TFB2M: variants seen among roughly 807,000 people sequenced by gnomAD.
TFB2M encodes the protein dimethyladenosine transferase 2, mitochondrial.
A neutral mutation model predicts 41.3 loss-of-function variants in TFB2M; 44 were observed. The ratio of observed to expected loss-of-function variants is 1.07; its 90% CI spans 0.84 to 1.37. TFB2M has a LOEUF of 1.37. Ranked by LOEUF, TFB2M falls within the 40% of genes most tolerant of loss-of-function variation. The pLI, the probability that TFB2M is intolerant of heterozygous loss-of-function variation, is 0.00. For synonymous variants in TFB2M, 188 were observed against 176.8 expected, an observed-to-expected ratio of 1.06 and a Z score of -0.50; for missense variants, 496 against 490.2, an observed-to-expected ratio of 1.01 and a Z score of -0.11.
chr1:246,553,466 T>G (rs1198395778), intron 4 of TFB2M, among the ~76,000 whole-genome samples: 1 of 152,124 alleles, frequency 6.6e-6, no homozygotes, highest in Non-Finnish European at 1.5e-5. Flanking sequence ...ACCCAGAAGT[T>G]CAAGACCAGC....
In TFB2M at chr1:246,557,513, C is replaced by T. The variant is rs1659355241; in HGVS notation, c.424G>A (p.Gly142Arg). 5.0e-6 allele frequency: 8 copies of T among 1,606,334 alleles called. No individual in the cohort carries two copies. The South Asian group carries it at 6.8e-5, about 14-fold the overall frequency. The change falls in exon 3 of 8, where the codon GGA becomes AGA. Residue 142 changes from glycine (G) to arginine (R), a missense_variant. Physicochemically the swap from Gly to Arg is moderately radical, Grantham distance 125. Transcript: ENST00000366514. ...HLESLGKNLD[G>R]KLRVIHCDFF... ...TCACAGTGAATCACTCGTAGTTTTC[C>T]ATCCAGATTTTTTCCTAAGGACTAA...
chr1:246,550,468 A>T (rs1659144032), intron 5 of TFB2M, among the ~76,000 whole-genome samples: 1 of 148,416 alleles, frequency 6.7e-6, no homozygotes, highest in Non-Finnish European at 1.5e-5. Flanking sequence ...CTAAAATCAA[A>T]TGAGATAACA....
Position 246,549,790 on chromosome 1 carries a change from C to T in TFB2M, c.796-1183G>A, listed in dbSNP as rs887728734. ...GCAGGGGCAATGAGAGTGGCTAAAA[C>T]ATATAATTGTGGCCAAATTGTGAAA... On this transcript the variant is annotated intron_variant, in intron 5 of 7. Transcript: ENST00000366514. 7.2e-5 allele frequency among the ~76,000 whole-genome samples: 11 copies of T among 152,126 alleles called. No individual in the cohort carries two copies. The East Asian group carries it at 1.7e-3, about 24-fold the overall frequency.
chr1:246,548,459 T>C (rs1174212263), intron 6 of TFB2M, 86 bp downstream of exon 6: 14 of 1,135,948 alleles, frequency 1.2e-5, no homozygotes, highest in African/African-American at 3.2e-5. Flanking sequence ...AAAAGTTAAA[T>C]ACAGACTACC....
At position 246,565,938 on chromosome 1, in the gene TFB2M, G is replaced by A. The variant is rs1379087216; in HGVS notation, c.201C>T (p.Ala67=). 1.2e-5 allele frequency: 20 copies of A among 1,614,098 alleles called. No individual in the cohort carries two copies. Among genetic ancestry groups the A allele is most frequent in the Admixed American group, 6.7e-5 (4 of 60,006 alleles). Residue 67 remains alanine, a synonymous_variant, in exon 1 of 8, where the codon GCC becomes GCT. Coordinates refer to ENST00000366514, the MANE Select transcript of TFB2M (RefSeq NM_022366.3). ...TTACGTAACGCTTAAAGTCTAAGCT[G>A]GCCTTAGACGCCTTCCTTGGCGGAT... ...FRNPPRKASK[A]SLDFKRYVTD...
rs546616648 is a variant in TFB2M at position 246,563,548 on chromosome 1, G to A, written c.402+798C>T. Among the ~76,000 whole-genome samples, 4 of 151,800 alleles carry A rather than the reference G, an allele frequency of 2.6e-5. No homozygotes were observed. The South Asian group carries it at 8.3e-4, about 31-fold the overall frequency. On this transcript the variant is annotated intron_variant, in intron 2 of 7. Coordinates refer to ENST00000366514, the MANE Select transcript of TFB2M (RefSeq NM_022366.3). The stretch of plus-strand genomic sequence containing the variant: ...AAACTTGGGAGGCAGTGGTTACAGT[G>A]AGCCGAGATCGCACCATTGCACTCC...
At chr1:246,555,998 C>T (rs549956449) in intron 4 of TFB2M, among the ~76,000 whole-genome samples, 1 of 152,200 alleles carries the variant, frequency 6.6e-6, no homozygotes, top group African/African-American at 2.4e-5. Context: ...GCCATGTTAG[C>T]CAAACTGGTC....
intron 7 of TFB2M, among the ~76,000 whole-genome samples, chr1:246,542,985 A>T (rs1352757077): frequency 3.4e-4 from 29 of 84,930 alleles, no homozygotes; most frequent in African/African-American, 7.8e-4. Context: ...CTGCCTCCCA[A>T]TTTTTTTTTT....
At chr1:246,546,983 A>ACACTTTTTTTTTT (rs764498048) in intron 6 of TFB2M, among the ~76,000 whole-genome samples, 1 of 127,180 alleles carries the variant, frequency 7.9e-6, no homozygotes, top group Non-Finnish European at 1.7e-5. Flanking sequence ...ACACACACAC[A>ACACTTTTTTTTTT]TTTTTTTTTT....
chr1:246,552,728 TA>T (rs922077328), intron 4 of TFB2M, among the ~76,000 whole-genome samples: 16 of 151,612 alleles, frequency 1.1e-4, no homozygotes, highest in African/African-American at 2.9e-4. Flanking sequence ...GTTTTAAAGT[TA>T]AAAAAAATAA....
At chr1:246,548,409 A>G (rs1204380244) in intron 6 of TFB2M, 136 bp downstream of exon 6, 13 of 653,016 alleles carry the variant, frequency 2.0e-5, no homozygotes, top group Non-Finnish European at 3.2e-5. Context: ...TAAAAGTAGT[A>G]AGATATGTTT....
intron 2 of TFB2M, among the ~76,000 whole-genome samples, chr1:246,559,786 T>C (rs1175061621): frequency 6.6e-6 from 1 of 152,120 alleles, no homozygotes; most frequent in Non-Finnish European, 1.5e-5. Flanking sequence ...GAATTTGGCT[T>C]GTTGAAGGTA....
Position 246,565,952 on chromosome 1 carries a change from T to G in TFB2M, c.187A>C (p.Lys63Gln), listed in dbSNP as rs747062180. ...AAGTCTAAGCTGGCCTTAGACGCCT[T>G]CCTTGGCGGATTCCTGAAATCCGGT... ...PEPDFRNPPR[K>Q]ASKASLDFKR... is the part of the protein sequence containing the mutation. The change falls in exon 1 of 8, where the codon AAG (lysine) becomes CAG (glutamine). Residue 63 changes from lysine (K) to glutamine (Q), a missense_variant. Lys to Gln is a moderately conservative substitution (Grantham distance 53). Coordinates refer to ENST00000366514, the MANE Select transcript of TFB2M (RefSeq NM_022366.3). 3 of 1,614,158 alleles carry G rather than the reference T, an allele frequency of 1.9e-6. No individual in the cohort carries two copies. Among genetic ancestry groups the G allele is most frequent in the South Asian group, 2.2e-5 (2 of 91,082 alleles).
chr1:246,554,391 G>GT (rs1467723760), intron 4 of TFB2M, among the ~76,000 whole-genome samples: 1 of 152,146 alleles, frequency 6.6e-6, no homozygotes, highest in African/African-American at 2.4e-5. Flanking sequence ...GGCGTCATCC[G>GT]TATTTATAGC....
intron 4 of TFB2M, among the ~76,000 whole-genome samples, chr1:246,552,577 G>C (rs116269144): frequency 0.016 from 2,493 of 152,004 alleles, 72 homozygotes; most frequent in African/African-American, 0.057. Flanking sequence ...GTGTGCACAG[G>C]TGGTCCCAGC....
chr1:246,552,598 C>T (rs905169869), intron 4 of TFB2M, among the ~76,000 whole-genome samples: 2 of 152,036 alleles, frequency 1.3e-5, no homozygotes, highest in Non-Finnish European at 2.9e-5. Flanking sequence ...TACAGGGAGG[C>T]TGAGGCAGGA....
rs1659172918 is a variant in TFB2M, at chr1:246,551,242, A to T, written c.766T>A (p.Leu256Ile). The T allele has an allele frequency of 1.2e-6, 2 of 1,613,834 alleles. No homozygotes were observed. The highest frequency in any genetic ancestry group is 8.5e-7 in the Non-Finnish European group (1 of 1,179,840). The change falls in exon 5 of 8, where the codon TTA becomes ATA. Residue 256 changes from leucine (L) to isoleucine (I), a missense_variant. By Grantham distance (5) the Leu-to-Ile change is conservative. Coordinates refer to ENST00000366514, the MANE Select transcript of TFB2M (RefSeq NM_022366.3). ...TGCAGAACCTTAATCTCACAAGCTA[A>T]TTGCCAGATAACACTTAATACATGA... is the stretch of plus-strand genomic sequence containing the variant. ...LYHVLSVIWQLACEIKVLHME... is the reference protein window; with the variant it reads ...LYHVLSVIWQIACEIKVLHME...
chr1:246,563,786 T>C (rs1257396140), intron 2 of TFB2M, among the ~76,000 whole-genome samples: 3 of 152,194 alleles, frequency 2.0e-5, no homozygotes, highest in Admixed American at 6.5e-5. Flanking sequence ...AAGATGTATA[T>C]GGAACAAAAA....
rs1659662255 is a variant in TFB2M, at chr1:246,566,095, G to A, written c.44C>T (p.Ser15Phe). 3 of 1,612,526 alleles carry A rather than the reference G, an allele frequency of 1.9e-6. No individual in the cohort carries two copies. The highest frequency in any genetic ancestry group is 1.3e-5 in the African/African-American group (1 of 75,046). Residue 15 changes from serine to phenylalanine, a missense_variant, in exon 1 of 8, where the codon TCC (serine) becomes TTC (phenylalanine). Physicochemically the swap from Ser to Phe is radical, Grantham distance 155. Coordinates refer to ENST00000366514, the MANE Select transcript of TFB2M (RefSeq NM_022366.3). ...VVGLPRRLRL[S>F]ALAGAGRFCI... ...AAAGCGACCAGCGCCCGCCAAGGCG[G>A]AGAGCCTCAGCCGCCGAGGAAGCCC...
Sources: allele counts gnomAD v4.1 joint callset (sites outside exome capture counted in the v4.1 genomes callset), GRCh38; gene constraint gnomAD v4.1.1; transcripts MANE v1.5; gene names NCBI Gene and HGNC (gene_info 2026-07-23, HGNC 2026-07-21).